Variants in TMIGD2 observed in about 807,000 individuals in gnomAD.
TMIGD2 encodes the protein transmembrane and immunoglobulin domain-containing protein 2.
A neutral mutation model predicts 22.6 loss-of-function variants in TMIGD2; 18 were observed. That is an observed-to-expected ratio of 0.80 (90% CI 0.55 to 1.18). TMIGD2 has a LOEUF of 1.18. TMIGD2 is among the 50% of genes most tolerant of loss of function. The probability of loss-of-function intolerance (pLI) is 0.00; values close to 1 mark genes in which losing one functional copy is unlikely to be tolerated. For synonymous variants in TMIGD2, 184 were observed against 154.1 expected, an observed-to-expected ratio of 1.19 and a Z score of -1.44; for missense variants, 361 against 378.2, an observed-to-expected ratio of 0.95 and a Z score of 0.38.
At chr19:4,302,302 G>A in intron 1 of TMIGD2, 38 bp downstream of exon 1, 1 of 1,549,536 alleles carries the variant, frequency 6.5e-7, no homozygotes, top group African/African-American at 1.4e-5. Context: ...ATGACAGCAA[G>A]AGTGGGGTTC....
At chr19:4,302,201 C>T (rs970203199) in intron 1 of TMIGD2, 139 bp downstream of exon 1, 35 of 889,668 alleles carry the variant, frequency 3.9e-5, no homozygotes, top group Non-Finnish European at 5.7e-5. Flanking sequence ...GCCCCCATCA[C>T]GTTCTGAGTC....
At position 4,298,164 on chromosome 19, in the gene TMIGD2, G is replaced by A. The variant is rs752227644; in HGVS notation, c.228C>T (p.Leu76=). 49 of 1,613,258 alleles carry A rather than the reference G, an allele frequency of 3.0e-5. No individual in the cohort carries two copies. The East Asian group carries it at 9.8e-4, about 32-fold the overall frequency. The change falls in exon 2 of 5, where the codon CTC becomes CTT. Residue 76 remains leucine, a synonymous_variant. Coordinates refer to ENST00000301272, the Ensembl canonical transcript of TMIGD2. ...CCTGGGGCCCGCAGACCCCCAGGCT[G>A]AGGCTGCCGTTGGTGATGTACGGTT... is the stretch of plus-strand genomic sequence containing the variant.
At chr19:4,297,214 C>T (rs1037733292) in intron 2 of TMIGD2, among the ~76,000 whole-genome samples, 5 of 151,116 alleles carry the variant, frequency 3.3e-5, no homozygotes, top group African/African-American at 1.2e-4. Flanking sequence ...ATTACAGGCT[C>T]ACACCACCAT....
exon 5 of TMIGD2, chr19:4,292,831 CTCT>C (rs1466874871): frequency 1.9e-6 from 3 of 1,613,924 alleles, no homozygotes; most frequent in Non-Finnish European, 2.5e-6. Flanking sequence ...GCAGTCCTCA[CTCT>C]TCTTTGGGGC....
At chr19:4,295,789 C>G (rs1176743455) in intron 2 of TMIGD2, among the ~76,000 whole-genome samples, 1 of 152,100 alleles carries the variant, frequency 6.6e-6, no homozygotes, top group Non-Finnish European at 1.5e-5. Context: ...TGCCTAGGGT[C>G]CCCTACCCAG....
chr19:4,298,232 G>T (rs562647140), exon 2 of TMIGD2: 1 of 1,612,970 alleles, frequency 6.2e-7, no homozygotes, highest in East Asian at 2.2e-5. Context: ...ACACGGAGCC[G>T]TTCCCAGGCT....
chr19:4,301,000 T>C (rs573071357), intron 1 of TMIGD2, among the ~76,000 whole-genome samples: 2 of 151,058 alleles, frequency 1.3e-5, no homozygotes, highest in African/African-American at 4.8e-5. Flanking sequence ...TGAGATGGGG[T>C]CTCACTCTGT....
intron 1 of TMIGD2, among the ~76,000 whole-genome samples, chr19:4,299,490 C>T (rs1197301594): frequency 6.7e-6 from 1 of 150,300 alleles, no homozygotes. Flanking sequence ...CTAGCCTGGG[C>T]AACAGAGTGA....
chr19:4,293,258 G>GC, intron 4 of TMIGD2, among the ~76,000 whole-genome samples: 1 of 127,844 alleles, frequency 7.8e-6, no homozygotes, highest in East Asian at 2.4e-4. Context: ...ACCGCGCCCG[G>GC]CCTTTTTTTT....
At position 4,298,354 on chromosome 19, in the gene TMIGD2, CA is replaced by C; in HGVS notation, c.47-10del. 6.4e-7 allele frequency: 1 copy of C among 1,556,098 alleles called. No individual in the cohort carries two copies. Among genetic ancestry groups the C allele is most frequent in the Non-Finnish European group, 8.7e-7 (1 of 1,155,674 alleles). On this transcript the variant is annotated splice_polypyrimidine_tract_variant and intron_variant, in intron 1 of 4. Coordinates refer to ENST00000301272, the Ensembl canonical transcript of TMIGD2. ...TGAGGCTTCTTGCAGGGCTGGAGGACAGAAGAGGTAGAGGCGACCTTTCTGA... is the reference window on the plus strand; with the variant it reads ...TGAGGCTTCTTGCAGGGCTGGAGGACGAAGAGGTAGAGGCGACCTTTCTGA...
At chr19:4,292,604 C>G in exon 5 of TMIGD2, 1 of 1,613,052 alleles carries the variant, frequency 6.2e-7, no homozygotes, top group Non-Finnish European at 8.5e-7. Context: ...ATCTCTCACT[C>G]CTCTCCCACT....
chr19:4,299,067 A>G (rs1190331880), intron 1 of TMIGD2, among the ~76,000 whole-genome samples: 1 of 152,190 alleles, frequency 6.6e-6, no homozygotes, highest in Non-Finnish European at 1.5e-5. Context: ...CAGTGGCCTC[A>G]GCAGACACCA....
intron 1 of TMIGD2, among the ~76,000 whole-genome samples, 179 bp downstream of exon 1, chr19:4,302,161 G>C (rs1262193549): frequency 6.6e-6 from 1 of 152,060 alleles, no homozygotes; most frequent in East Asian, 1.9e-4. Flanking sequence ...TATCCTAGGG[G>C]CCCTCAGAGG....
chr19:4,294,571 G>C lies in TMIGD2; in HGVS notation c.558C>G (p.Ser186Arg). Residue 186 changes from serine (S) to arginine (R), a missense_variant, in exon 4 of 5, where the codon AGC becomes AGG. Coordinates refer to ENST00000301272, the Ensembl canonical transcript of TMIGD2. ...CTCCGCCCTACCCTCCCTTACCTGGGCTGTTACCTGAGTCCCTTTGCTGGC... is the reference window on the plus strand; with the variant it reads ...CTCCGCCCTACCCTCCCTTACCTGGCCTGTTACCTGAGTCCCTTTGCTGGC... 4 of 1,612,174 alleles carry C rather than the reference G, an allele frequency of 2.5e-6. No homozygotes were observed. The highest frequency in any genetic ancestry group is 2.5e-6 in the Non-Finnish European group (3 of 1,179,286).
In TMIGD2 at chr19:4,293,427, A is replaced by AT. The variant is rs376915075; in HGVS notation, c.563-543dup. Among the ~76,000 whole-genome samples, 19 of 145,334 alleles carry AT rather than the reference A, an allele frequency of 1.3e-4. No homozygotes were observed. In the South Asian group the frequency reaches 1.7e-3, roughly 13 times the overall value. Reference sequence around the variant, plus strand: ...AAGCCCCCGCTACTACGTCTGGCTAATTTTTTGTATTTTTAGCAGAGATGG... The same window carrying AT: ...AAGCCCCCGCTACTACGTCTGGCTAATTTTTTTGTATTTTTAGCAGAGATGG... On this transcript the variant is annotated intron_variant, in intron 4 of 4. Coordinates refer to ENST00000301272, the Ensembl canonical transcript of TMIGD2.
intron 2 of TMIGD2, among the ~76,000 whole-genome samples, chr19:4,295,809 G>C (rs1354544701): frequency 6.6e-6 from 1 of 152,156 alleles, no homozygotes; most frequent in Admixed American, 6.6e-5. Context: ...GGCGGCAGCA[G>C]GAACCAGCTT....
chr19:4,294,627 A>G (rs1971435041), exon 4 of TMIGD2: 1 of 1,608,636 alleles, frequency 6.2e-7, no homozygotes. Flanking sequence ...CAGGCACCCC[A>G]CACGATCGCA....
chr19:4,295,564 A>G (rs1377620639), intron 2 of TMIGD2, among the ~76,000 whole-genome samples: 2 of 151,972 alleles, frequency 1.3e-5, no homozygotes, highest in Non-Finnish European at 2.9e-5. Context: ...TCTCGAAAAA[A>G]AAAAAGAAAA....
At chr19:4,295,385 C>T (rs1971449153) in intron 2 of TMIGD2, among the ~76,000 whole-genome samples, 1 of 151,578 alleles carries the variant, frequency 6.6e-6, no homozygotes, top group South Asian at 2.1e-4. Context: ...ACAGTGAAAC[C>T]CCGTCTCTAC....
Sources: gnomAD v4.1 joint callset for allele counts (sites outside exome capture counted in the v4.1 genomes callset) on GRCh38, gnomAD v4.1.1 for gene constraint, MANE v1.5 for transcripts, NCBI Gene and HGNC (gene_info 2026-07-23, HGNC 2026-07-21) for gene names.